SKAP1: variants seen among roughly 807,000 people sequenced by gnomAD.
SKAP1 encodes src kinase-associated phosphoprotein 1.
SKAP1 carries 44 observed loss-of-function variants against 58.5 expected under a neutral mutation model. The observed-to-expected ratio is 0.75, with a 90% CI of 0.59 to 0.97. SKAP1 has a LOEUF of 0.97. SKAP1 is among the 50% of genes least tolerant of loss of function. The pLI, the probability that SKAP1 is intolerant of heterozygous loss-of-function variation, is 0.00. For synonymous variants in SKAP1, 127 were observed against 149.7 expected, an observed-to-expected ratio of 0.85 and a Z score of 1.11; for missense variants, 390 against 435.2, an observed-to-expected ratio of 0.90 and a Z score of 0.92.
intron 3 of SKAP1, among the ~76,000 whole-genome samples, chr17:48,347,642 C>T (rs1029193676): frequency 2.0e-5 from 3 of 152,072 alleles, no homozygotes; most frequent in Admixed American, 6.5e-5. Context: ...TAGTCATTGG[C>T]CAAAGCCAGA....
At chr17:48,383,295 G>A (rs887012832) in intron 2 of SKAP1, among the ~76,000 whole-genome samples, 2 of 152,126 alleles carry the variant, frequency 1.3e-5, no homozygotes, top group Admixed American at 1.3e-4. Flanking sequence ...TTACTAAATA[G>A]TCACACAGAG....
At chr17:48,298,006 A>T in intron 4 of SKAP1, among the ~76,000 whole-genome samples, 1 of 152,058 alleles carries the variant, frequency 6.6e-6, no homozygotes, top group East Asian at 1.9e-4. Context: ...TGTTTGCTGC[A>T]CTCCAACCTT....
intron 4 of SKAP1, 144 bp from the exon 5 acceptor site, chr17:48,189,644 G>T: frequency 1.7e-6 from 1 of 571,536 alleles, no homozygotes; most frequent in South Asian, 2.4e-5. Flanking sequence ...ATTTCTGTAT[G>T]ATTGGAGGGA....
chr17:48,284,463 T>C (rs7212930), intron 4 of SKAP1, among the ~76,000 whole-genome samples: 7 of 151,928 alleles, frequency 4.6e-5, no homozygotes, highest in African/African-American at 1.5e-4. Flanking sequence ...GGGCCTATGG[T>C]GGGTTCTGCC....
At chr17:48,401,318 AAAAAGGAAAG>A (rs1272577334) in intron 1 of SKAP1, among the ~76,000 whole-genome samples, 2 of 152,092 alleles carry the variant, frequency 1.3e-5, no homozygotes, top group Non-Finnish European at 2.9e-5. Flanking sequence ...AAAAGAAAAA[AAAAAGGAAAG>A]AAAAAGAAAG....
rs367654574 is a variant in SKAP1, at chr17:48,180,237, A to G, written c.643T>C (p.Leu215=). The G allele has an allele frequency of 3.8e-6, 6 of 1,581,870 alleles. No homozygotes were observed. Among genetic ancestry groups the G allele is most frequent in the Non-Finnish European group, 1.7e-6 (2 of 1,163,228 alleles). Residue 215 remains leucine (L), a synonymous_variant, in exon 9 of 13, where the codon TTA becomes CTA. Coordinates refer to ENST00000336915, the MANE Select transcript of SKAP1 (RefSeq NM_003726.4). ...ISFLLKDLSS[L]TIPYEEDEEE... ...TCATCCTCTTCATATGGAATGGTTAAGGAGCTCAGATCTAACAAGGCAAAG... is the reference window on the plus strand; with the variant it reads ...TCATCCTCTTCATATGGAATGGTTAGGGAGCTCAGATCTAACAAGGCAAAG...
Position 48,137,291 on chromosome 17 carries a change from A to G in SKAP1, c.1025T>C (p.Val342Ala), listed in dbSNP as rs143407064. ...GAGATACTCCTTTGGAACAATCCCA[A>G]CGAGGCTGTTCAGTTCTCCCACCCA... ...GWWVGELNSL[V>A]GIVPKEYLTT... Residue 342 changes from valine (V) to alanine (A), a missense_variant, in exon 12 of 13, where the codon GTT (valine) becomes GCT (alanine). Val to Ala is a moderately conservative substitution (Grantham distance 64). Transcript: ENST00000336915. 5.6e-6 allele frequency: 9 copies of G among 1,613,766 alleles called. No homozygotes were observed. The highest frequency in any genetic ancestry group is 2.7e-5 in the African/African-American group (2 of 74,908).
chr17:48,268,504 T>C (rs201972173), intron 4 of SKAP1, among the ~76,000 whole-genome samples: 1 of 147,380 alleles, frequency 6.8e-6, no homozygotes, highest in Non-Finnish European at 1.5e-5. Context: ...TTTTTTTTTG[T>C]TTTTTTTGAG....
chr17:48,263,572 G>A (rs17694168), intron 4 of SKAP1, among the ~76,000 whole-genome samples: 12,764 of 152,182 alleles, frequency 0.084, 699 homozygotes, highest in East Asian at 0.2. Flanking sequence ...GGGCAGACAC[G>A]TATCAAGAGG....
chr17:48,212,306 T>C (rs532668818), intron 4 of SKAP1, among the ~76,000 whole-genome samples: 1 of 151,646 alleles, frequency 6.6e-6, no homozygotes, highest in Admixed American at 6.6e-5. Context: ...ATAAATGAAG[T>C]GTTGGTTTAT....
chr17:48,412,317 T>C (rs2067674658), intron 1 of SKAP1, among the ~76,000 whole-genome samples: 1 of 152,242 alleles, frequency 6.6e-6, no homozygotes, highest in South Asian at 2.1e-4. Flanking sequence ...GGGTAGTGAA[T>C]TGCTGCCATT....
intron 4 of SKAP1, among the ~76,000 whole-genome samples, chr17:48,206,433 G>GT (rs530492554): frequency 7.6e-4 from 24 of 31,614 alleles, no homozygotes; most frequent in Non-Finnish European, 1.9e-3. Context: ...AAATAAAGAC[G>GT]TTTTTTTTTA....
intron 4 of SKAP1, among the ~76,000 whole-genome samples, chr17:48,337,048 G>A (rs536293497): frequency 6.6e-6 from 1 of 152,170 alleles, no homozygotes; most frequent in Non-Finnish European, 1.5e-5. Flanking sequence ...ATTGGAAAAG[G>A]CTTCTATAAG....
intron 4 of SKAP1, among the ~76,000 whole-genome samples, chr17:48,328,851 A>G (rs1258744453): frequency 6.6e-6 from 1 of 152,056 alleles, no homozygotes; most frequent in East Asian, 1.9e-4. Context: ...CTCGCCCACC[A>G]AACTTCCATT....
chr17:48,403,578 C>T (rs1567901160), intron 1 of SKAP1, among the ~76,000 whole-genome samples: 2 of 151,958 alleles, frequency 1.3e-5, no homozygotes, highest in Non-Finnish European at 2.9e-5. Context: ...ACAACAGCAA[C>T]AAGAACAACA....
intron 4 of SKAP1, among the ~76,000 whole-genome samples, chr17:48,201,387 C>G (rs2064726307): frequency 1.3e-5 from 2 of 150,950 alleles, no homozygotes; most frequent in African/African-American, 4.9e-5. Context: ...TCCTCTCTCT[C>G]TCTTTCTTTT....
intron 1 of SKAP1, among the ~76,000 whole-genome samples, chr17:48,429,843 G>A (rs2067895583): frequency 6.6e-6 from 1 of 152,194 alleles, no homozygotes; most frequent in Non-Finnish European, 1.5e-5. Context: ...GAGGTGAAGT[G>A]GAGGCGTGGA....
intron 11 of SKAP1, among the ~76,000 whole-genome samples, chr17:48,141,007 G>A (rs1021201443): frequency 1.3e-5 from 2 of 151,848 alleles, no homozygotes; most frequent in Non-Finnish European, 2.9e-5. Context: ...GGCTAGTCTC[G>A]AACTCCTGAC....
At chr17:48,139,131 G>A (rs142650883) in intron 11 of SKAP1, among the ~76,000 whole-genome samples, 3 of 151,182 alleles carry the variant, frequency 2.0e-5, no homozygotes, top group African/African-American at 4.9e-5. Context: ...TGCTCACCTC[G>A]GCCTCTCAGA....
Sources: allele counts gnomAD v4.1 joint callset (sites outside exome capture counted in the v4.1 genomes callset), GRCh38; gene constraint gnomAD v4.1.1; transcripts MANE v1.5; gene names NCBI Gene and HGNC (gene_info 2026-07-23, HGNC 2026-07-21).